Variants in NUP205 observed in about 807,000 individuals in gnomAD.
NUP205 encodes nucleoporin 205, also known as nuclear pore complex protein Nup205.
NUP205 carries 76 observed loss-of-function variants against 253.8 expected under a neutral mutation model. The ratio of observed to expected loss-of-function variants is 0.30; its 90% confidence interval spans 0.25 to 0.36. The LOEUF (loss-of-function observed/expected upper bound fraction) is 0.36. Among genes scored for constraint, NUP205 ranks in the 10% least tolerant of loss-of-function variants. The probability of loss-of-function intolerance (pLI) is 1.00; values close to 1 mark genes in which losing one functional copy is unlikely to be tolerated. For synonymous variants in NUP205, 832 were observed against 850.1 expected, an observed-to-expected ratio of 0.98 and a Z score of 0.37; for missense variants, 2,162 against 2,425.5, an observed-to-expected ratio of 0.89 and a Z score of 2.28.
Position 135,606,358 on chromosome 7 carries a change from G to A in NUP205, c.2905+132G>A, listed in dbSNP as rs143872024. On this transcript the variant is annotated intron_variant, in intron 20 of 42. Coordinates refer to ENST00000285968, the MANE Select transcript of NUP205 (RefSeq NM_015135.3). ...GAATTGAGAATTTGCTAGAATACAGGTTGAGAATGCAAAATCCAAAATAAA... is the reference window on the plus strand; with the variant it reads ...GAATTGAGAATTTGCTAGAATACAGATTGAGAATGCAAAATCCAAAATAAA... 1.7e-3 allele frequency: 1,109 copies of A among 664,216 alleles called. 17 individuals are homozygous for A. The East Asian group carries it at 0.025, about 15-fold the overall frequency. The allele number at this position is 664,216 out of a possible 1,614,324, so 41.1% of individuals were successfully genotyped here. A position where few individuals can be genotyped will look rare whatever the true frequency, so the allele number is the denominator to read the frequency against.
intron 11 of NUP205, among the ~76,000 whole-genome samples, chr7:135,592,705 G>A (rs1472194297): frequency 6.6e-6 from 1 of 152,142 alleles, no homozygotes; most frequent in African/African-American, 2.4e-5. Context: ...TGGCCAACAT[G>A]GTGAAACCCT....
At chr7:135,619,349 A>C in intron 28 of NUP205, 74 bp from the exon 29 acceptor site, 1 of 1,502,648 alleles carries the variant, frequency 6.7e-7, no homozygotes, top group East Asian at 2.3e-5. Context: ...CTTCAAAAAA[A>C]AAAAGCTATG....
intron 1 of NUP205, among the ~76,000 whole-genome samples, chr7:135,566,514 T>C (rs1023881548): frequency 6.6e-6 from 1 of 152,178 alleles, no homozygotes; most frequent in East Asian, 1.9e-4. Context: ...TTGGAAAGTG[T>C]GGGACTAAAG....
chr7:135,607,460 G>A (rs1269018977), intron 22 of NUP205, 89 bp downstream of exon 22: 6 of 1,379,898 alleles, frequency 4.3e-6, no homozygotes, highest in African/African-American at 1.5e-5. Context: ...TATAACAGCA[G>A]GACTTAGTTG....
chr7:135,594,717 G>A lies in NUP205; in HGVS notation c.2001G>A (p.Leu667=). The change falls in exon 13 of 43, where the codon TTG becomes TTA. Residue 667 remains leucine (L), a synonymous_variant. Coordinates refer to ENST00000285968, the MANE Select transcript of NUP205 (RefSeq NM_015135.3). The part of the protein sequence containing the change: ...PEIAASLWQS[L]EYTQILQTVR... ...TTGCTGCTTCCCTCTGGCAGTCATTGGAATACACTCAGGTAGGGCTCTGAA... is the reference window on the plus strand; with the variant it reads ...TTGCTGCTTCCCTCTGGCAGTCATTAGAATACACTCAGGTAGGGCTCTGAA... 1 of 1,612,414 alleles carries A rather than the reference G, an allele frequency of 6.2e-7. No individual in the cohort carries two copies. The highest frequency in any genetic ancestry group is 8.5e-7 in the Non-Finnish European group (1 of 1,179,106).
chr7:135,570,189 A>G (rs1014066069), intron 1 of NUP205, among the ~76,000 whole-genome samples: 1 of 151,740 alleles, frequency 6.6e-6, no homozygotes, highest in Admixed American at 6.6e-5. Flanking sequence ...ATTTAAAGTC[A>G]GGATTTATTT....
At chr7:135,620,750 C>T (rs915780875) in intron 30 of NUP205, among the ~76,000 whole-genome samples, 5 of 152,004 alleles carry the variant, frequency 3.3e-5, no homozygotes, top group African/African-American at 7.3e-5. Flanking sequence ...AAATGAATGA[C>T]CTTCTCCAGT....
In NUP205 at chr7:135,645,570, C is replaced by G. The variant is rs1487819464; in HGVS notation, c.5786C>G (p.Thr1929Ser). Residue 1929 changes from threonine to serine, a missense_variant, in exon 41 of 43, where the codon ACC becomes AGC. Around this residue, in one of 5 missense-constraint regions of NUP205, gnomAD observed 1,144 missense variants for 1,280.9 expected, o/e 0.89. Coordinates refer to ENST00000285968, the MANE Select transcript of NUP205 (RefSeq NM_015135.3). ...CAAGATTCCTTATTTGCCTCGAGAACCTTGTTTAAAAGCAGAAGACTGCAA... is the reference window on the plus strand; with the variant it reads ...CAAGATTCCTTATTTGCCTCGAGAAGCTTGTTTAAAAGCAGAAGACTGCAA... ...DSQDSLFASR[T>S]LFKSRRLQDS... The G allele has an allele frequency of 1.9e-6, 3 of 1,614,020 alleles. No individual in the cohort carries two copies. Among genetic ancestry groups the G allele is most frequent in the South Asian group, 2.2e-5 (2 of 91,072 alleles).
chr7:135,645,152 G>A lies in NUP205; in HGVS notation c.5683+134G>A, dbSNP rs553017931. Reference sequence around the variant, plus strand: ...AATTTTTTCCCAGTAAATGCCTAATGTATTTCCAAATCATAGTTTTTGTTC... The same window carrying A: ...AATTTTTTCCCAGTAAATGCCTAATATATTTCCAAATCATAGTTTTTGTTC... On this transcript the variant is annotated intron_variant, in intron 40 of 42. Transcript: ENST00000285968. 30 of 981,168 alleles carry A rather than the reference G, an allele frequency of 3.1e-5. No homozygotes were observed. The African/African-American group carries it at 3.7e-4, about 12-fold the overall frequency. 60.8% of individuals were successfully genotyped at this position (981,168 alleles called of 1,614,324 possible).
intron 31 of NUP205, among the ~76,000 whole-genome samples, chr7:135,624,636 C>G (rs1794545777): frequency 6.6e-6 from 1 of 152,082 alleles, no homozygotes; most frequent in South Asian, 2.1e-4. Flanking sequence ...CTTGGCCTCC[C>G]AAAATGCTGG....
chr7:135,604,598 G>T, intron 19 of NUP205, 138 bp downstream of exon 19: 1 of 813,908 alleles, frequency 1.2e-6, no homozygotes, highest in East Asian at 2.9e-5. Flanking sequence ...TGTATAGGAT[G>T]GGTGAAAACC....
intron 1 of NUP205, among the ~76,000 whole-genome samples, chr7:135,563,007 C>T (rs1253011798): frequency 6.6e-6 from 1 of 152,046 alleles, no homozygotes; most frequent in African/African-American, 2.4e-5. Context: ...ATGTCTTCAC[C>T]TCCCACCTGT....
intron 38 of NUP205, among the ~76,000 whole-genome samples, chr7:135,642,843 GGT>G (rs57007288): frequency 0.15 from 21,570 of 144,740 alleles, 1,717 homozygotes; most frequent in East Asian, 0.37. Flanking sequence ...GATGTGGAGG[GGT>G]GTGTGTGTGT....
rs74594925 is a variant in NUP205 at position 135,616,070 on chromosome 7, G to C, written c.3460+5G>C. The C allele has an allele frequency of 7.6e-3, 12,238 of 1,609,188 alleles. 205 individuals are homozygous for C. The highest frequency in any genetic ancestry group is 0.062 in the East Asian group (2,781 of 44,682). ...TGCCAGTGAAACCATACTCAGGTGA[G>C]TATTAGTATTTGTTTTATTGTGCTG... On this transcript the variant is annotated splice_donor_5th_base_variant and intron_variant, in intron 24 of 42. Coordinates refer to ENST00000285968, the MANE Select transcript of NUP205 (RefSeq NM_015135.3).
chr7:135,622,608 G>C (rs1299052506), intron 30 of NUP205, among the ~76,000 whole-genome samples, 169 bp from the exon 31 acceptor site: 1 of 151,706 alleles, frequency 6.6e-6, no homozygotes, highest in Non-Finnish European at 1.5e-5. Flanking sequence ...GAGTTAACCT[G>C]CTTGGACCCA....
chr7:135,628,032 A>G lies in NUP205; in HGVS notation c.4853A>G (p.Gln1618Arg), dbSNP rs781605301. 3.1e-6 allele frequency: 5 copies of G among 1,611,530 alleles called. No individual in the cohort carries two copies. Among genetic ancestry groups the G allele is most frequent in the Middle Eastern group, 1.6e-4 (1 of 6,062 alleles). ...FIPTPVDRYR[Q>R]ILLPALQLCQ... is the part of the protein sequence containing the mutation. Reference sequence around the variant, plus strand: ...CCTACCCCAGTGGATCGCTACCGCCAGATTCTCCTCCCAGCTCTCCAGCTG... The same window carrying G: ...CCTACCCCAGTGGATCGCTACCGCCGGATTCTCCTCCCAGCTCTCCAGCTG... The change falls in exon 34 of 43, where the codon CAG becomes CGG. Residue 1618 changes from glutamine (Q) to arginine (R), a missense_variant. Around this residue, in one of 5 missense-constraint regions of NUP205, gnomAD observed 1,144 missense variants for 1,280.9 expected, o/e 0.89. Transcript: ENST00000285968.
At chr7:135,570,720 TTATATTTATATATTATATTA>T in intron 1 of NUP205, among the ~76,000 whole-genome samples, 3 of 108,536 alleles carry the variant, frequency 2.8e-5, no homozygotes, top group Admixed American at 1.2e-4. Flanking sequence ...ATATAATTAA[TTATATTTATATATTATATTA>T]ATATATTAAT....
chr7:135,563,979 C>T (rs563079748), intron 1 of NUP205, among the ~76,000 whole-genome samples: 44 of 151,928 alleles, frequency 2.9e-4, no homozygotes, highest in Non-Finnish European at 4.1e-4. Context: ...CAGCAAGACC[C>T]TGTCACAAAA....
chr7:135,591,729 A>G (rs1235712536), intron 11 of NUP205, 129 bp downstream of exon 11: 1 of 749,662 alleles, frequency 1.3e-6, no homozygotes, highest in Non-Finnish European at 2.1e-6. Flanking sequence ...TCATAACAAT[A>G]GGGTGAAGGA....
Sources: gnomAD v4.1 joint callset for allele counts (sites outside exome capture counted in the v4.1 genomes callset) on GRCh38, gnomAD v4.1.1 for gene constraint, gnomAD v4.1.1 regional missense constraint, MANE v1.5 for transcripts, NCBI Gene and HGNC (gene_info 2026-07-23, HGNC 2026-07-21) for gene names.